Variants in SCAI observed in about 807,000 individuals in gnomAD.
SCAI encodes the protein suppressor of cancer cell invasion.
A neutral mutation model predicts 92.2 loss-of-function variants in SCAI; 24 were observed. The ratio of observed to expected loss-of-function variants is 0.26; its 90% CI spans 0.19 to 0.37. The LOEUF (loss-of-function observed/expected upper bound fraction) is 0.37. Among genes scored for constraint, SCAI ranks in the 10% least tolerant of loss-of-function variants. The pLI, the probability that SCAI is intolerant of heterozygous loss-of-function variation, is 1.00. For synonymous variants in SCAI, 261 were observed against 258.6 expected (o/e 1.01, Z -0.09); for missense variants, 450 against 736.2 (o/e 0.61, Z 4.50).
intron 17 of SCAI, among the ~76,000 whole-genome samples, chr9:124,967,845 G>C (rs764625444): frequency 1.3e-5 from 2 of 152,164 alleles, no homozygotes; most frequent in Non-Finnish European, 2.9e-5. Context: ...AAGAAGCCCA[G>C]GAACATTGTA....
chr9:125,006,515 G>A (rs572107111), intron 9 of SCAI, among the ~76,000 whole-genome samples: 2 of 151,836 alleles, frequency 1.3e-5, no homozygotes, highest in East Asian at 1.9e-4. Flanking sequence ...CATTTGAGAC[G>A]GAGTCTCGCT....
chr9:125,128,255 G>A (rs1418490060), intron 2 of SCAI, among the ~76,000 whole-genome samples: 1 of 152,044 alleles, frequency 6.6e-6, no homozygotes, highest in African/African-American at 2.4e-5. Flanking sequence ...CGTTCAAGGT[G>A]CTGTAAGCTG....
chr9:124,978,362 A>T (rs528626244), intron 14 of SCAI, among the ~76,000 whole-genome samples: 4 of 152,216 alleles, frequency 2.6e-5, no homozygotes, highest in Admixed American at 2.6e-4. Flanking sequence ...AGTCACTTGA[A>T]CCCGGGAAGC....
chr9:125,081,591 G>T (rs2131180609), intron 2 of SCAI, among the ~76,000 whole-genome samples: 1 of 152,230 alleles, frequency 6.6e-6, no homozygotes, highest in South Asian at 2.1e-4. Context: ...GTTTTGTTTG[G>T]AGATGTAGTT....
At chr9:125,006,158 C>A (rs188100721) in intron 9 of SCAI, among the ~76,000 whole-genome samples, 1 of 152,070 alleles carries the variant, frequency 6.6e-6, no homozygotes, top group Non-Finnish European at 1.5e-5. Context: ...AATCATAAAA[C>A]GCATGAAGAA....
In SCAI at chr9:125,020,780, T is replaced by C. The variant is rs766008658; in HGVS notation, c.513-11A>G. On this transcript the variant is annotated splice_polypyrimidine_tract_variant and intron_variant, in intron 6 of 17. Transcript: ENST00000336505. ...ACTACCAATTCAGGTCTATGGAAGA[T>C]AAATGAAAAATTACTCATTAGATTA... is the stretch of plus-strand genomic sequence containing the variant. The C allele has an allele frequency of 2.4e-6, 3 of 1,228,006 alleles. No individual in the cohort carries two copies. Among genetic ancestry groups the C allele is most frequent in the South Asian group, 2.8e-5 (2 of 72,012 alleles). 76.1% of individuals were successfully genotyped at this position (1,228,006 alleles called of 1,614,324 possible). A position where few individuals can be genotyped will look rare whatever the true frequency, so the allele number is the denominator to read the frequency against.
At chr9:124,990,942 C>A (rs1036871370) in intron 14 of SCAI, among the ~76,000 whole-genome samples, 23 of 152,142 alleles carry the variant, frequency 1.5e-4, no homozygotes, top group African/African-American at 5.6e-4. Flanking sequence ...TGATCAGAAT[C>A]ACAGGAGGTG....
At chr9:125,116,535 T>G (rs1052116985) in intron 2 of SCAI, among the ~76,000 whole-genome samples, 1 of 152,166 alleles carries the variant, frequency 6.6e-6, no homozygotes, top group African/African-American at 2.4e-5. Context: ...GAATTTATTT[T>G]AAGATGTTTA....
chr9:124,994,908 T>C (rs1296378113), intron 14 of SCAI, 26 bp downstream of exon 14: 3 of 1,541,282 alleles, frequency 1.9e-6, no homozygotes, highest in Non-Finnish European at 9.0e-7. Context: ...AATGTCTACC[T>C]GTGCAATAGC....
In SCAI at chr9:125,069,842, G is replaced by C. The variant is rs557689903; in HGVS notation, c.99-13835C>G. Among the ~76,000 whole-genome samples, 6 of 151,964 alleles carry C rather than the reference G, an allele frequency of 3.9e-5. No individual in the cohort carries two copies. In the East Asian group the frequency reaches 1.2e-3, roughly 30 times the overall value. The stretch of plus-strand genomic sequence containing the variant: ...TCGCCATGTTGGCCAGGCTGGTCTC[G>C]AACTCCTGACCTCAGGTGATCTGCC... On this transcript the variant is annotated intron_variant, in intron 2 of 17. Transcript: ENST00000336505.
intron 2 of SCAI, among the ~76,000 whole-genome samples, chr9:125,070,545 C>A (rs1334863113): frequency 6.6e-6 from 1 of 151,800 alleles, no homozygotes; most frequent in African/African-American, 2.4e-5. Flanking sequence ...ATTACAGGCA[C>A]CTGCCACCAA....
At position 125,055,896 on chromosome 9, in the gene SCAI, C is replaced by T. The variant is rs767767425; in HGVS notation, c.210G>A (p.Lys70=). 4 of 1,612,282 alleles carry T rather than the reference C, an allele frequency of 2.5e-6. No individual in the cohort carries two copies. In the Admixed American group the frequency reaches 5.0e-5, roughly 20 times the overall value. The part of the protein sequence containing the change: ...TDFCYLLDKS[K]QLFNGLRDLP... ...CTCACCTTAACCCATTGAACAGTTG[C>T]TTAGATTTATCCAGAAGATAACAAA... Residue 70 remains lysine (K), a synonymous_variant, in exon 3 of 18, where the codon AAG becomes AAA. Transcript: ENST00000336505.
intron 9 of SCAI, among the ~76,000 whole-genome samples, chr9:125,010,958 C>T (rs1221512799): frequency 1.3e-5 from 2 of 152,212 alleles, no homozygotes; most frequent in East Asian, 1.9e-4. Context: ...TCCAACAGAC[C>T]TGCAGCTGAG....
chr9:125,109,149 C>G (rs1022291253), intron 2 of SCAI, among the ~76,000 whole-genome samples: 2 of 152,134 alleles, frequency 1.3e-5, no homozygotes, highest in African/African-American at 4.8e-5. Flanking sequence ...TAAACAGATG[C>G]TTGAAGGCAG....
chr9:125,002,909 TA>T (rs1322530916), intron 11 of SCAI, among the ~76,000 whole-genome samples: 1 of 150,128 alleles, frequency 6.7e-6, no homozygotes, highest in Non-Finnish European at 1.5e-5. Context: ...CCCAAACAGC[TA>T]TTTCACAGCT....
intron 14 of SCAI, among the ~76,000 whole-genome samples, chr9:124,992,049 T>A (rs1034742430): frequency 1.3e-5 from 2 of 152,094 alleles, no homozygotes; most frequent in African/African-American, 4.8e-5. Flanking sequence ...CTGAAGTAGC[T>A]GGGACTACAG....
chr9:125,077,325 T>C (rs935914326), intron 2 of SCAI, among the ~76,000 whole-genome samples: 5 of 152,250 alleles, frequency 3.3e-5, no homozygotes, highest in Admixed American at 6.5e-5. Context: ...CTCTATTGTA[T>C]GGATATGCCA....
At chr9:125,052,442 G>C (rs532168719) in intron 3 of SCAI, among the ~76,000 whole-genome samples, 1 of 152,162 alleles carries the variant, frequency 6.6e-6, no homozygotes, top group South Asian at 2.1e-4. Context: ...ATGGTGACAG[G>C]CACCTGTAAT....
chr9:124,993,668 G>A (rs1324366199), intron 14 of SCAI, among the ~76,000 whole-genome samples: 1 of 152,094 alleles, frequency 6.6e-6, no homozygotes, highest in African/African-American at 2.4e-5. Context: ...TGAGTAGGAG[G>A]AAAAATGCTG....
Sources: allele counts gnomAD v4.1 joint callset (sites outside exome capture counted in the v4.1 genomes callset), GRCh38; gene constraint gnomAD v4.1.1; transcripts MANE v1.5; gene names NCBI Gene and HGNC (gene_info 2026-07-23, HGNC 2026-07-21).